Variants in PRKCH observed in about 807,000 individuals in gnomAD.
PRKCH encodes protein kinase C eta.
In PRKCH, 28 loss-of-function variants were observed where a neutral mutation model predicts 82.5. The ratio of observed to expected loss-of-function variants is 0.34; its 90% CI spans 0.25 to 0.47. The LOEUF is 0.47. Among genes scored for constraint, PRKCH ranks in the 20% least tolerant of loss-of-function variants. The pLI is 1.00. For synonymous variants in PRKCH, 322 were observed against 327.4 expected, an observed-to-expected ratio of 0.98 and a Z score of 0.18; for missense variants, 705 against 881.8, an observed-to-expected ratio of 0.80 and a Z score of 2.54.
At chr14:61,328,017 G>A (rs537639740) in intron 1 of PRKCH, among the ~76,000 whole-genome samples, 5 of 152,000 alleles carry the variant, frequency 3.3e-5, no homozygotes, top group South Asian at 4.2e-4. Context: ...TTGGGAGGCC[G>A]AGGCGGGTGG....
At chr14:61,489,465 G>A (rs775302791) in intron 10 of PRKCH, among the ~76,000 whole-genome samples, 5 of 152,186 alleles carry the variant, frequency 3.3e-5, no homozygotes, top group Admixed American at 6.5e-5. Flanking sequence ...ACGTTTGCAC[G>A]CATTCCGTCT....
chr14:61,513,153 T>C (rs2139977477), intron 10 of PRKCH, among the ~76,000 whole-genome samples: 1 of 152,292 alleles, frequency 6.6e-6, no homozygotes, highest in African/African-American at 2.4e-5. Flanking sequence ...GCTTCCTCAG[T>C]TCCTTAGCAT....
intron 2 of PRKCH, among the ~76,000 whole-genome samples, chr14:61,397,393 C>G (rs1174482861): frequency 6.6e-6 from 1 of 152,072 alleles, no homozygotes; most frequent in East Asian, 1.9e-4. Flanking sequence ...AAATAAGATT[C>G]CGGAGTTTGG....
intron 1 of PRKCH, among the ~76,000 whole-genome samples, chr14:61,383,834 T>A (rs2046547760): frequency 6.6e-6 from 1 of 152,152 alleles, no homozygotes; most frequent in South Asian, 2.1e-4. Flanking sequence ...TTTCTTCTTT[T>A]TGTATTTTAA....
At chr14:61,344,633 C>T (rs139111465) in intron 1 of PRKCH, among the ~76,000 whole-genome samples, 2 of 152,192 alleles carry the variant, frequency 1.3e-5, no homozygotes, top group African/African-American at 4.8e-5. Context: ...GCTGCAGGTA[C>T]GCCTCGGGTG....
Position 61,372,265 on chromosome 14 carries a change from A to C in PRKCH, c.364-18960A>C, listed in dbSNP as rs2046372425. 2.0e-5 allele frequency among the ~76,000 whole-genome samples: 3 copies of C among 152,006 alleles called. No homozygotes were observed. The South Asian group carries it at 6.2e-4, about 31-fold the overall frequency. Reference sequence around the variant, plus strand: ...GCACTGCGTGTCCTTGTTGCTACTGAGGTGTCATTGCTTTTAGGTCTGTTC... The same window carrying C: ...GCACTGCGTGTCCTTGTTGCTACTGCGGTGTCATTGCTTTTAGGTCTGTTC... On this transcript the variant is annotated intron_variant, in intron 1 of 13. Coordinates refer to ENST00000332981, the MANE Select transcript of PRKCH (RefSeq NM_006255.5).
intron 2 of PRKCH, among the ~76,000 whole-genome samples, chr14:61,394,561 G>A (rs140593291): frequency 6.6e-6 from 1 of 152,218 alleles, no homozygotes; most frequent in African/African-American, 2.4e-5. Flanking sequence ...AAGTTACAAG[G>A]GACTGGCGAA....
chr14:61,534,875 A>G (rs1479395703), intron 12 of PRKCH, among the ~76,000 whole-genome samples: 1 of 152,170 alleles, frequency 6.6e-6, no homozygotes, highest in Admixed American at 6.5e-5. Context: ...GTGTTTTCCA[A>G]GTGGAATGCA....
At chr14:61,493,221 T>C (rs4444237) in intron 10 of PRKCH, among the ~76,000 whole-genome samples, 131,990 of 152,204 alleles carry the variant, frequency 0.87, 59,666 homozygotes, top group Non-Finnish European at 0.99. Context: ...ATGAAAAGCC[T>C]GGAGGTAGGT....
intron 1 of PRKCH, among the ~76,000 whole-genome samples, chr14:61,221,474 T>C (rs75701514): frequency 0.013 from 2,024 of 152,192 alleles, 32 homozygotes; most frequent in African/African-American, 0.046. Flanking sequence ...TGTGCCCCCT[T>C]CATGTGCTTC....
chr14:61,418,502 C>T (rs187015479), intron 2 of PRKCH, among the ~76,000 whole-genome samples: 5 of 152,286 alleles, frequency 3.3e-5, no homozygotes, highest in Admixed American at 2.6e-4. Flanking sequence ...AGAGATGTAT[C>T]GTGTGGCTCT....
At chr14:61,256,952 G>C (rs1485439111) in intron 1 of PRKCH, among the ~76,000 whole-genome samples, 1 of 152,168 alleles carries the variant, frequency 6.6e-6, no homozygotes, top group Non-Finnish European at 1.5e-5. Flanking sequence ...TTCCTTCACT[G>C]TGTTTATCTT....
At chr14:61,203,437 A>G (rs942117212) in intron 1 of PRKCH, among the ~76,000 whole-genome samples, 5 of 152,136 alleles carry the variant, frequency 3.3e-5, no homozygotes, top group Admixed American at 1.3e-4. Flanking sequence ...CATCTCAGGC[A>G]TGGTGGAGGG....
intron 9 of PRKCH, among the ~76,000 whole-genome samples, chr14:61,475,826 T>G (rs2140317504): frequency 6.6e-6 from 1 of 152,350 alleles, no homozygotes; most frequent in African/African-American, 2.4e-5. Context: ...TAGTTAACAT[T>G]ACCTTGAAAA....
intron 1 of PRKCH, among the ~76,000 whole-genome samples, chr14:61,337,456 G>C (rs1466242830): frequency 6.6e-6 from 1 of 151,856 alleles, no homozygotes; most frequent in East Asian, 1.9e-4. Flanking sequence ...TTACTCTGTT[G>C]CCCAGTCTGG....
chr14:61,483,646 T>A (rs1047467240), intron 9 of PRKCH, among the ~76,000 whole-genome samples: 3 of 152,186 alleles, frequency 2.0e-5, no homozygotes, highest in East Asian at 1.9e-4. Context: ...TACACCAGGC[T>A]TGCAATGGGA....
At chr14:61,210,358 C>G (rs1010741713) in intron 1 of PRKCH, among the ~76,000 whole-genome samples, 1 of 151,858 alleles carries the variant, frequency 6.6e-6, no homozygotes, top group Non-Finnish European at 1.5e-5. Flanking sequence ...CCAGGACGTA[C>G]AGCTTGGTGA....
intron 1 of PRKCH, among the ~76,000 whole-genome samples, chr14:61,252,894 G>A (rs2044958796): frequency 6.6e-6 from 1 of 152,036 alleles, no homozygotes; most frequent in South Asian, 2.1e-4. Context: ...GCAGCCTGAC[G>A]GTCACGCCCC....
At chr14:61,308,696 A>G (rs1410262081) in intron 1 of PRKCH, among the ~76,000 whole-genome samples, 1 of 152,138 alleles carries the variant, frequency 6.6e-6, no homozygotes, top group East Asian at 1.9e-4. Flanking sequence ...TGGTACAAAC[A>G]CGGTTCACTG....
Sources: allele counts gnomAD v4.1 joint callset (sites outside exome capture counted in the v4.1 genomes callset), GRCh38; gene constraint gnomAD v4.1.1; transcripts MANE v1.5; gene names NCBI Gene and HGNC (gene_info 2026-07-23, HGNC 2026-07-21).